Variants in EXOC6B observed in about 807,000 individuals in gnomAD.
The protein encoded by EXOC6B is exocyst complex component 6B, also known as SEC15 homolog B.
Under a neutral mutation model 113.5 loss-of-function variants are expected in EXOC6B, and 54 were observed. The ratio of observed to expected loss-of-function variants is 0.48; its 90% CI spans 0.38 to 0.60. The LOEUF is 0.60. Among genes scored for constraint, EXOC6B ranks in the 20% least tolerant of loss-of-function variants. The pLI is 0.00. For synonymous variants in EXOC6B, 357 were observed against 339.0 expected (o/e 1.05, Z -0.58); for missense variants, 797 against 977.5 (o/e 0.82, Z 2.46).
Position 72,465,141 on chromosome 2 carries a change from G to A in EXOC6B, c.1980+19C>T. ...AATCTTTTTATATATAAAGGACAAA[G>A]TAAGCAACTGCCACTTACAGGAAGG... On this transcript the variant is annotated intron_variant, in intron 18 of 21. Coordinates refer to ENST00000272427, the MANE Select transcript of EXOC6B (RefSeq NM_015189.3). The A allele has an allele frequency of 9.2e-7, 1 of 1,091,486 alleles. No individual in the cohort carries two copies. Among genetic ancestry groups the A allele is most frequent in the Non-Finnish European group, 1.2e-6 (1 of 808,456 alleles). 67.6% of individuals were successfully genotyped at this position (1,091,486 alleles called of 1,614,324 possible).
intron 1 of EXOC6B, among the ~76,000 whole-genome samples, chr2:72,748,885 G>C (rs767342660): frequency 1.4e-4 from 21 of 151,946 alleles, no homozygotes; most frequent in African/African-American, 5.1e-4. Context: ...ATCAACAACA[G>C]ACTATTAGGA....
chr2:72,704,382 T>C lies in EXOC6B; in HGVS notation c.669+13721A>G, dbSNP rs1220160237. On this transcript the variant is annotated intron_variant, in intron 6 of 21. Coordinates refer to ENST00000272427, the MANE Select transcript of EXOC6B (RefSeq NM_015189.3). ...TGCCCACAAGAGGAAGCAGGAAAGA[T>C]CCAAAATTGACACCCTAACATCACA... 2.3e-4 allele frequency among the ~76,000 whole-genome samples: 34 copies of C among 149,750 alleles called. No homozygotes were observed. In the South Asian group the frequency reaches 2.8e-3, roughly 12 times the overall value.
intron 6 of EXOC6B, among the ~76,000 whole-genome samples, chr2:72,605,962 A>G (rs949758272): frequency 6.6e-6 from 1 of 152,154 alleles, no homozygotes; most frequent in African/African-American, 2.4e-5. Flanking sequence ...TTTACTTTAT[A>G]TGACTTTAGA....
intron 20 of EXOC6B, among the ~76,000 whole-genome samples, chr2:72,325,621 A>G (rs1197500837): frequency 6.6e-6 from 1 of 151,876 alleles, no homozygotes; most frequent in African/African-American, 2.4e-5. Flanking sequence ...GGTGCCTCTC[A>G]TTCATGAGCT....
intron 1 of EXOC6B, among the ~76,000 whole-genome samples, chr2:72,771,015 C>T (rs1558988891): frequency 1.3e-5 from 2 of 152,124 alleles, no homozygotes; most frequent in Non-Finnish European, 1.5e-5. Flanking sequence ...TCATTTCCAA[C>T]TTACTACACT....
chr2:72,639,526 C>T (rs1673082985), intron 6 of EXOC6B, among the ~76,000 whole-genome samples: 1 of 152,224 alleles, frequency 6.6e-6, no homozygotes, highest in Non-Finnish European at 1.5e-5. Context: ...GCTTCCACTA[C>T]TGCTGCTGCT....
At chr2:72,697,947 A>G (rs1187399473) in intron 6 of EXOC6B, among the ~76,000 whole-genome samples, 2 of 152,160 alleles carry the variant, frequency 1.3e-5, no homozygotes, top group Non-Finnish European at 2.9e-5. Context: ...TCAGGGACCT[A>G]TATATAAAGA....
At chr2:72,734,949 C>G (rs1680855343) in intron 2 of EXOC6B, among the ~76,000 whole-genome samples, 1 of 152,172 alleles carries the variant, frequency 6.6e-6, no homozygotes, top group Non-Finnish European at 1.5e-5. Context: ...CTTCAAATAT[C>G]TGAAGAGCTA....
intron 1 of EXOC6B, among the ~76,000 whole-genome samples, chr2:72,796,802 C>T (rs919493835): frequency 2.5e-4 from 38 of 152,192 alleles, no homozygotes; most frequent in African/African-American, 9.2e-4. Flanking sequence ...TGCTCCTAGA[C>T]ATCCCCACTC....
intron 6 of EXOC6B, among the ~76,000 whole-genome samples, chr2:72,664,331 G>A (rs2104460676): frequency 6.6e-6 from 1 of 152,186 alleles, no homozygotes; most frequent in African/African-American, 2.4e-5. Flanking sequence ...TGAAGAGTGG[G>A]GAAGCTAGGA....
chr2:72,341,903 G>T (rs1689052050), intron 19 of EXOC6B, among the ~76,000 whole-genome samples: 2 of 151,950 alleles, frequency 1.3e-5, no homozygotes, highest in African/African-American at 4.8e-5. Flanking sequence ...CCTTTTCTGA[G>T]CATAATGGTA....
chr2:72,565,746 G>A, intron 7 of EXOC6B, among the ~76,000 whole-genome samples: 1 of 152,046 alleles, frequency 6.6e-6, no homozygotes. Flanking sequence ...AAAGAGATAT[G>A]TTTCTTATCT....
At chr2:72,683,799 T>C (rs1306374369) in intron 6 of EXOC6B, among the ~76,000 whole-genome samples, 1 of 152,194 alleles carries the variant, frequency 6.6e-6, no homozygotes, top group Non-Finnish European at 1.5e-5. Flanking sequence ...AGCCCAGCTA[T>C]CTCTCAGATT....
At chr2:72,371,782 T>C (rs55939880) in intron 19 of EXOC6B, among the ~76,000 whole-genome samples, 29,382 of 152,092 alleles carry the variant, frequency 0.19, 5,141 homozygotes, top group African/African-American at 0.47. Flanking sequence ...ACAACTAGGA[T>C]GCCTACTTTC....
intron 20 of EXOC6B, among the ~76,000 whole-genome samples, chr2:72,189,797 CTTCT>C (rs568622545): frequency 7.0e-6 from 1 of 143,598 alleles, no homozygotes; most frequent in Non-Finnish European, 1.5e-5. Flanking sequence ...CCTTTCCTTC[CTTCT>C]TTCTCTTTCT....
At chr2:72,270,017 C>G (rs995679344) in intron 20 of EXOC6B, among the ~76,000 whole-genome samples, 2 of 152,030 alleles carry the variant, frequency 1.3e-5, no homozygotes, top group African/African-American at 4.8e-5. Flanking sequence ...AGGTGGTAAA[C>G]AGGGACAGAA....
chr2:72,802,924 A>G (rs1303032363), intron 1 of EXOC6B, among the ~76,000 whole-genome samples: 2 of 152,208 alleles, frequency 1.3e-5, no homozygotes, highest in African/African-American at 4.8e-5. Context: ...AGCAATCTGT[A>G]TTAACAAGCC....
chr2:72,654,706 C>T (rs1187382936), intron 6 of EXOC6B, among the ~76,000 whole-genome samples: 1 of 152,090 alleles, frequency 6.6e-6, no homozygotes, highest in Non-Finnish European at 1.5e-5. Context: ...AATTTTCAGT[C>T]CAAAAATACA....
At chr2:72,620,799 T>A (rs149781990) in intron 6 of EXOC6B, among the ~76,000 whole-genome samples, 188 of 151,788 alleles carry the variant, frequency 1.2e-3, no homozygotes, top group African/African-American at 4.4e-3. Flanking sequence ...GGAACTCAAA[T>A]CAACAAGCAA....
Sources: gnomAD v4.1 joint callset for allele counts (sites outside exome capture counted in the v4.1 genomes callset) on GRCh38, gnomAD v4.1.1 for gene constraint, MANE v1.5 for transcripts, NCBI Gene and HGNC (gene_info 2026-07-23, HGNC 2026-07-21) for gene names.